HDC: variants seen among roughly 807,000 people sequenced by gnomAD.
HDC encodes histidine decarboxylase.
A neutral mutation model predicts 64.4 loss-of-function variants in HDC; 27 were observed. The observed-to-expected ratio is 0.42, with a 90% CI of 0.31 to 0.58. HDC has a LOEUF of 0.58. Ranked by LOEUF, HDC falls within the 20% of genes least tolerant of loss-of-function variation. The pLI, the probability that HDC is intolerant of heterozygous loss-of-function variation, is 0.16. For missense variants in HDC, 711 were observed against 833.9 expected (o/e 0.85, Z 1.81); for synonymous variants, 305 against 314.2 (o/e 0.97, Z 0.31).
rs141156106 is a variant in HDC, at chr15:50,257,309, G to A, written c.441+116C>T. On this transcript the variant is annotated intron_variant, in intron 4 of 11. Transcript: ENST00000267845. Reference sequence around the variant, plus strand: ...TGATGATGGTGCTGTTGGTGATGACGGTGTGGGTAATGTGGGGGAAACTCC... The same window carrying A: ...TGATGATGGTGCTGTTGGTGATGACAGTGTGGGTAATGTGGGGGAAACTCC... The A allele has an allele frequency of 4.5e-3, 5,656 of 1,270,304 alleles. 21 individuals are homozygous for A. The highest frequency in any genetic ancestry group is 8.8e-3 in the Middle Eastern group (43 of 4,896). 78.7% of individuals were successfully genotyped at this position (1,270,304 alleles called of 1,614,324 possible). A position where few individuals can be genotyped will look rare whatever the true frequency, so the allele number is the denominator to read the frequency against.
At position 50,259,685 on chromosome 15, in the gene HDC, T is replaced by G. The variant is rs2045677726; in HGVS notation, c.205-1168A>C. Among the ~76,000 whole-genome samples the G allele has an allele frequency of 2.0e-5, 3 of 152,152 alleles. 1 individual carries two copies. The highest frequency in any genetic ancestry group is 2.0e-4 in the Admixed American group (3 of 15,284). ...AAGCTACTAAATATTCATTTCCTCC[T>G]CGAACTCTCCCCCAGCTCCCACAGC... On this transcript the variant is annotated intron_variant, in intron 2 of 11. Coordinates refer to ENST00000267845, the MANE Select transcript of HDC (RefSeq NM_002112.4).
rs201667943 is a variant in HDC at position 50,250,797 on chromosome 15, C to A, written c.1041+1633G>T. On this transcript the variant is annotated intron_variant, in intron 9 of 11. Transcript: ENST00000267845. ...AGAAAGAGCAGTGGAGATAAAGAAC[C>A]ATTATTTTTCTTTCTTTCTTTACCT... Among the ~76,000 whole-genome samples the A allele has an allele frequency of 3.9e-5, 6 of 152,166 alleles. No individual in the cohort carries two copies. The East Asian group carries it at 9.6e-4, about 24-fold the overall frequency.
At chr15:50,259,867 G>T (rs768900741) in intron 2 of HDC, among the ~76,000 whole-genome samples, 1 of 152,160 alleles carries the variant, frequency 6.6e-6, no homozygotes, top group Non-Finnish European at 1.5e-5. Context: ...CCTGGACAGT[G>T]TGTATAGTAT....
At chr15:50,244,432 AG>A (rs1470554305) in intron 10 of HDC, among the ~76,000 whole-genome samples, 4 of 149,952 alleles carry the variant, frequency 2.7e-5, no homozygotes. Context: ...CCTCCTGAGT[AG>A]CTAGGACTAC....
intron 2 of HDC, among the ~76,000 whole-genome samples, chr15:50,262,964 C>A (rs563370820): frequency 9.8e-5 from 15 of 152,314 alleles, no homozygotes; most frequent in African/African-American, 3.6e-4. Flanking sequence ...CCAGGCTGTG[C>A]TCTGGAATGC....
chr15:50,243,547 C>T (rs556167815), intron 10 of HDC, among the ~76,000 whole-genome samples: 3 of 152,372 alleles, frequency 2.0e-5, no homozygotes, highest in South Asian at 4.1e-4. Context: ...CCGGCCTCAA[C>T]TCCTGATTTC....
At chr15:50,261,233 C>T (rs569781033) in intron 2 of HDC, among the ~76,000 whole-genome samples, 21 of 152,248 alleles carry the variant, frequency 1.4e-4, no homozygotes, top group East Asian at 3.9e-4. Context: ...TGAGCCTCAC[C>T]GACCATACCC....
intron 2 of HDC, among the ~76,000 whole-genome samples, chr15:50,262,204 G>A (rs1041568731): frequency 1.3e-5 from 2 of 152,058 alleles, no homozygotes; most frequent in South Asian, 4.1e-4. Context: ...GCACATTCAG[G>A]CACCCACCAG....
chr15:50,248,213 A>C lies in HDC; in HGVS notation c.1140+32T>G. On this transcript the variant is annotated intron_variant, in intron 10 of 11. Coordinates refer to ENST00000267845, the MANE Select transcript of HDC (RefSeq NM_002112.4). This position sits in a 1 kb window ranked among gnomAD's most constrained non-coding sequence, Gnocchi z 4.3. ...TCGCCATGAGAAAACAGAGGAACAC[A>C]GGCTCAGCCCCCACAGCAGCATGCT... 6.9e-7 allele frequency: 1 copy of C among 1,455,996 alleles called. No individual in the cohort carries two copies. Among genetic ancestry groups the C allele is most frequent in the Non-Finnish European group, 9.6e-7 (1 of 1,036,408 alleles). 90.2% of individuals were successfully genotyped at this position (1,455,996 alleles called of 1,614,324 possible).
chr15:50,243,101 C>T (rs748096781), intron 11 of HDC, 42 bp downstream of exon 11: 1 of 1,611,896 alleles, frequency 6.2e-7, no homozygotes, highest in Non-Finnish European at 8.5e-7. Flanking sequence ...TCTGGAGCAC[C>T]ACAAGACATC....
intron 10 of HDC, among the ~76,000 whole-genome samples, chr15:50,247,046 A>C (rs936006597): frequency 6.6e-6 from 1 of 152,206 alleles, no homozygotes; most frequent in African/African-American, 2.4e-5. Context: ...AAGTAAGCAA[A>C]CTGAGCTCGT....
chr15:50,248,020 A>G lies in HDC; in HGVS notation c.1140+225T>C, dbSNP rs570066410. Among the ~76,000 whole-genome samples, 7 of 152,312 alleles carry G rather than the reference A, an allele frequency of 4.6e-5. No homozygotes were observed. Among genetic ancestry groups the G allele is most frequent in the Middle Eastern group, 6.8e-3 (2 of 294 alleles). Reference sequence around the variant, plus strand: ...CAGTGACAGCAAGGGGAACGGTGAGACACTCAGCAGAGGACAGGCATCAGG... The same window carrying G: ...CAGTGACAGCAAGGGGAACGGTGAGGCACTCAGCAGAGGACAGGCATCAGG... On this transcript the variant is annotated intron_variant, in intron 10 of 11. Transcript: ENST00000267845. The surrounding 1 kb of genome is among the most constrained non-coding windows in gnomAD (Gnocchi z 4.3).
At chr15:50,264,882 C>T (rs2045747786) in intron 1 of HDC, among the ~76,000 whole-genome samples, 1 of 152,204 alleles carries the variant, frequency 6.6e-6, no homozygotes, top group Non-Finnish European at 1.5e-5. Context: ...GATCCAGGAA[C>T]AGTGCTAAAT....
intron 3 of HDC, 132 bp from the exon 4 acceptor site, chr15:50,257,679 G>A (rs761958800): frequency 9.4e-5 from 92 of 983,834 alleles, no homozygotes; most frequent in Non-Finnish European, 1.4e-4. Context: ...GTTAGGCCAC[G>A]TGCCTCTCTC....
At chr15:50,249,768 T>C (rs1290770900) in intron 9 of HDC, among the ~76,000 whole-genome samples, 1 of 152,234 alleles carries the variant, frequency 6.6e-6, no homozygotes, top group South Asian at 2.1e-4. Context: ...ATTTCATATA[T>C]AGAGAGAGCT....
intron 4 of HDC, 104 bp downstream of exon 4, chr15:50,257,321 G>T: frequency 1.4e-6 from 2 of 1,425,812 alleles, no homozygotes; most frequent in Non-Finnish European, 9.9e-7. Context: ...TGTGGGTAAT[G>T]TGGGGGAAAC....
At chr15:50,245,428 C>T (rs772743379) in intron 10 of HDC, among the ~76,000 whole-genome samples, 8 of 151,828 alleles carry the variant, frequency 5.3e-5, no homozygotes, top group Non-Finnish European at 1.0e-4. Context: ...ATGATGATGA[C>T]AATTTATTAT....
At chr15:50,251,841 A>AAAAGAAAGAAAG (rs535844039) in intron 9 of HDC, among the ~76,000 whole-genome samples, 1 of 151,532 alleles carries the variant, frequency 6.6e-6, no homozygotes, top group Non-Finnish European at 1.5e-5. Context: ...CAGAAAAAAA[A>AAAAGAAAGAAAG]AAAGAAAGAA....
At chr15:50,251,583 AAAGG>A (rs2045554688) in intron 9 of HDC, among the ~76,000 whole-genome samples, 1 of 152,158 alleles carries the variant, frequency 6.6e-6, no homozygotes, top group Admixed American at 6.5e-5. Flanking sequence ...CCCTACAAGT[AAAGG>A]AAGGGCTCAT....
Sources: allele counts gnomAD v4.1 joint callset (sites outside exome capture counted in the v4.1 genomes callset), GRCh38; gene constraint gnomAD v4.1.1; non-coding constraint Gnocchi (gnomAD v3.1); transcripts MANE v1.5; gene names NCBI Gene and HGNC (gene_info 2026-07-23, HGNC 2026-07-21).